DEFB128: variants seen among roughly 807,000 people sequenced by gnomAD.
DEFB128 encodes the protein defensin beta 128.
A neutral mutation model predicts 2.4 loss-of-function variants in DEFB128; 1 was observed. That is an observed-to-expected ratio of 0.41 (90% CI 0.15 to 1.96). The LOEUF (loss-of-function observed/expected upper bound fraction) is 1.96. Ranked by LOEUF, DEFB128 falls within the 30% of genes most tolerant of loss-of-function variation. The probability of loss-of-function intolerance (pLI) is 0.30; values close to 1 mark genes in which losing one functional copy is unlikely to be tolerated. For missense variants in DEFB128, 129 were observed against 104.9 expected (o/e 1.23, Z -1.00); for synonymous variants, 59 against 39.1 (o/e 1.51, Z -1.89).
Position 189,630 on chromosome 20 carries a change from A to C in DEFB128, c.-7T>G. The stretch of plus-strand genomic sequence containing the variant: ...GAACCAGAAACAGCTTCATATTTAC[A>C]GACTTCCCAAGAGAAAGAGGCAGCA... On this transcript the variant is annotated 5_prime_UTR_variant, in exon 1 of 2. Coordinates refer to ENST00000334391, the MANE Select transcript of DEFB128 (RefSeq NM_001037732.3). The C allele has an allele frequency of 1.2e-6, 2 of 1,613,834 alleles. No individual in the cohort carries two copies. Among genetic ancestry groups the C allele is most frequent in the South Asian group, 2.2e-5 (2 of 91,066 alleles).
In DEFB128 at chr20:187,949, A is replaced by G. The variant is rs769505650; in HGVS notation, c.219T>C (p.Gly73=). The G allele has an allele frequency of 2.5e-6, 4 of 1,614,008 alleles. No individual in the cohort carries two copies. The highest frequency in any genetic ancestry group is 2.2e-5 in the East Asian group (1 of 44,866). ...AATCCTGCAGCACACTCAGCTTCTC[A>G]CCAGAATGTTGATGTGGCTTCTTAA... ...VSFKKPHQHS[G]EKLSVLQDYI... is the part of the protein sequence containing the mutation. The change falls in exon 2 of 2, where the codon GGT becomes GGC. Residue 73 remains glycine (G), a synonymous_variant. Transcript: ENST00000334391.
intron 1 of DEFB128, among the ~76,000 whole-genome samples, chr20:188,436 A>C (rs1368100883): frequency 1.3e-5 from 2 of 152,140 alleles, no homozygotes; most frequent in Admixed American, 1.3e-4. Flanking sequence ...TCTCTCCACC[A>C]AGCTCCAAAG....
Position 188,051 on chromosome 20 carries a change from T to G in DEFB128, c.117A>C (p.Gly39=), listed in dbSNP as rs1281818450. ...TTAGACATCCTATTTCATATCTTTC[T>G]CCTACCTTGCATTTCTTCCTGCAAT... ...TGYCRKKCKV[G]ERYEIGCLSG... The change falls in exon 2 of 2, where the codon GGA becomes GGC. Residue 39 remains glycine, a synonymous_variant. Coordinates refer to ENST00000334391, the MANE Select transcript of DEFB128 (RefSeq NM_001037732.3). The G allele has an allele frequency of 6.2e-7, 1 of 1,614,106 alleles. No individual in the cohort carries two copies. The highest frequency in any genetic ancestry group is 1.7e-5 in the Admixed American group (1 of 60,024).
Position 189,632 on chromosome 20 carries a change from A to G in DEFB128, c.-9T>C, listed in dbSNP as rs891970601. 2 of 1,613,790 alleles carry G rather than the reference A, an allele frequency of 1.2e-6. No individual in the cohort carries two copies. Among genetic ancestry groups the G allele is most frequent in the Non-Finnish European group, 1.7e-6 (2 of 1,179,790 alleles). On this transcript the variant is annotated 5_prime_UTR_variant, in exon 1 of 2. Transcript: ENST00000334391. Reference sequence around the variant, plus strand: ...ACCAGAAACAGCTTCATATTTACAGACTTCCCAAGAGAAAGAGGCAGCAGA... The same window carrying G: ...ACCAGAAACAGCTTCATATTTACAGGCTTCCCAAGAGAAAGAGGCAGCAGA...
intron 1 of DEFB128, 34 bp downstream of exon 1, chr20:189,541 T>C (rs917209085): frequency 6.2e-7 from 1 of 1,600,962 alleles, no homozygotes; most frequent in Non-Finnish European, 8.6e-7. Context: ...TAGTAATATC[T>C]CTTAGGATGT....
chr20:188,227 T>C (rs901110122), intron 1 of DEFB128, 109 bp from the exon 2 acceptor site: 5 of 1,018,528 alleles, frequency 4.9e-6, no homozygotes, highest in Admixed American at 3.7e-5. Context: ...CAAGTGAACA[T>C]TATGCTGATA....
chr20:188,443 A>G (rs1367294833), intron 1 of DEFB128, among the ~76,000 whole-genome samples: 1 of 152,190 alleles, frequency 6.6e-6, no homozygotes, highest in Admixed American at 6.5e-5. Flanking sequence ...ACCAAGCTCC[A>G]AAGTCAGCAC....
intron 1 of DEFB128, among the ~76,000 whole-genome samples, chr20:188,671 A>C (rs960242912): frequency 5.3e-5 from 8 of 152,174 alleles, no homozygotes; most frequent in Non-Finnish European, 1.5e-5. Context: ...GGTGCTATTG[A>C]GAACTCCTTC....
Position 188,025 on chromosome 20 carries a change from CT to C in DEFB128, c.142del (p.Ser48ValfsTer29). On this transcript the variant is annotated frameshift_variant, in exon 2 of 2. Coordinates refer to ENST00000334391, the MANE Select transcript of DEFB128 (RefSeq NM_001037732.3). LOFTEE classifies it low-confidence loss of function (END_TRUNC). ...VGERYEIGCL[S>X]GKLCCANDEE... ...ATCATTAGCACAACATAATTTCCCA[CT>C]TAGACATCCTATTTCATATCTTTCT... 6.2e-7 allele frequency: 1 copy of C among 1,614,102 alleles called. No homozygotes were observed. The highest frequency in any genetic ancestry group is 8.5e-7 in the Non-Finnish European group (1 of 1,179,970).
In DEFB128 at chr20:188,094, A is replaced by T. The variant is rs1442246912; in HGVS notation, c.74T>A (p.Phe25Tyr). 6.2e-7 allele frequency: 1 copy of T among 1,613,952 alleles called. No homozygotes were observed. Among genetic ancestry groups the T allele is most frequent in the South Asian group, 1.1e-5 (1 of 91,082 alleles). The change falls in exon 2 of 2, where the codon TTC becomes TAC. Residue 25 changes from phenylalanine (F) to tyrosine (Y), a missense_variant. Phe to Tyr is a conservative substitution (Grantham distance 22). Coordinates refer to ENST00000334391, the MANE Select transcript of DEFB128 (RefSeq NM_001037732.3). ...LTDGARLKKC[F>Y]NKVTGYCRKK... ...CCTGCAATAGCCTGTTACTTTATTG[A>T]AGCATTTTTTGAGTCTTGCCCCGTC... is the stretch of plus-strand genomic sequence containing the variant.
intron 1 of DEFB128, among the ~76,000 whole-genome samples, chr20:189,143 G>T (rs2011117780): frequency 6.6e-6 from 1 of 152,138 alleles, no homozygotes; most frequent in Non-Finnish European, 1.5e-5. Flanking sequence ...AGAAAATTGA[G>T]ATTAAAAGGA....
At position 188,076 on chromosome 20, in the gene DEFB128, T is replaced by C. The variant is rs1454640683; in HGVS notation, c.92A>G (p.Tyr31Cys). The C allele has an allele frequency of 6.2e-7, 1 of 1,614,058 alleles. No homozygotes were observed. The highest frequency in any genetic ancestry group is 2.2e-5 in the East Asian group (1 of 44,878). Reference sequence around the variant, plus strand: ...TCCTACCTTGCATTTCTTCCTGCAATAGCCTGTTACTTTATTGAAGCATTT... The same window carrying C: ...TCCTACCTTGCATTTCTTCCTGCAACAGCCTGTTACTTTATTGAAGCATTT... Reference protein sequence around the residue: ...LKKCFNKVTGYCRKKCKVGER... With the variant: ...LKKCFNKVTGCCRKKCKVGER... Residue 31 changes from tyrosine to cysteine, a missense_variant, in exon 2 of 2, where the codon TAT becomes TGT. Coordinates refer to ENST00000334391, the MANE Select transcript of DEFB128 (RefSeq NM_001037732.3).
In DEFB128 at chr20:189,659, C is replaced by A; in HGVS notation, c.-36G>T. On this transcript the variant is annotated 5_prime_UTR_variant, in exon 1 of 2. Transcript: ENST00000334391. Reference sequence around the variant, plus strand: ...TTCCCAAGAGAAAGAGGCAGCAGAACTTTGTCCAGTGGTCTGTGTGCCACA... The same window carrying A: ...TTCCCAAGAGAAAGAGGCAGCAGAAATTTGTCCAGTGGTCTGTGTGCCACA... 2 of 1,612,314 alleles carry A rather than the reference C, an allele frequency of 1.2e-6. No homozygotes were observed. Among genetic ancestry groups the A allele is most frequent in the Non-Finnish European group, 1.7e-6 (2 of 1,178,570 alleles).
intron 1 of DEFB128, among the ~76,000 whole-genome samples, chr20:188,764 T>C (rs2011116307): frequency 6.6e-6 from 1 of 152,134 alleles, no homozygotes; most frequent in Non-Finnish European, 1.5e-5. Flanking sequence ...TCAAATTCAA[T>C]TCCATGAATT....
At chr20:188,651 C>G (rs867675480) in intron 1 of DEFB128, among the ~76,000 whole-genome samples, 3 of 152,302 alleles carry the variant, frequency 2.0e-5, no homozygotes, top group Middle Eastern at 3.4e-3. Context: ...TCTCATGGGT[C>G]TCAGCAACAG....
chr20:189,424 C>A (rs2011118840), intron 1 of DEFB128, 151 bp downstream of exon 1: 2 of 782,332 alleles, frequency 2.6e-6, no homozygotes, highest in Admixed American at 5.4e-5. Flanking sequence ...TTGGGTGCCT[C>A]TCTTCTAAGG....
At chr20:188,312 T>G (rs962230204) in intron 1 of DEFB128, among the ~76,000 whole-genome samples, 194 bp from the exon 2 acceptor site, 2 of 152,156 alleles carry the variant, frequency 1.3e-5, no homozygotes, top group South Asian at 4.1e-4. Context: ...TCTCAGCCAA[T>G]GTCCAGTTGC....
At chr20:188,543 C>T (rs960929013) in intron 1 of DEFB128, among the ~76,000 whole-genome samples, 2 of 152,172 alleles carry the variant, frequency 1.3e-5, no homozygotes, top group African/African-American at 4.8e-5. Flanking sequence ...ACAACTCAGC[C>T]AAAGCAACTT....
chr20:188,097 C>T lies in DEFB128; in HGVS notation c.71G>A (p.Cys24Tyr). The stretch of plus-strand genomic sequence containing the variant: ...GCAATAGCCTGTTACTTTATTGAAG[C>T]ATTTTTTGAGTCTTGCCCCGTCTGT... The part of the protein sequence containing the change: ...VLTDGARLKK[C>Y]FNKVTGYCRK... Residue 24 changes from cysteine (C) to tyrosine (Y), a missense_variant, in exon 2 of 2, where the codon TGC becomes TAC. Cys to Tyr is a radical substitution (Grantham distance 194, BLOSUM62 -2). Transcript: ENST00000334391. The T allele has an allele frequency of 6.2e-7, 1 of 1,613,934 alleles. No homozygotes were observed.
Sources: allele counts gnomAD v4.1 joint callset (sites outside exome capture counted in the v4.1 genomes callset), GRCh38; gene constraint gnomAD v4.1.1; transcripts MANE v1.5; gene names NCBI Gene and HGNC (gene_info 2026-07-23, HGNC 2026-07-21).